Variants in VWA3A observed in about 807,000 individuals in gnomAD.
VWA3A encodes von Willebrand factor A domain-containing protein 3A.
In VWA3A, 134 loss-of-function variants were observed where a neutral mutation model predicts 160.4. That is an observed-to-expected ratio of 0.84 (90% CI 0.73 to 0.96). VWA3A has a LOEUF of 0.96. Among genes scored for constraint, VWA3A ranks in the 40% least tolerant of loss-of-function variants. VWA3A has a pLI of 0.00. For synonymous variants in VWA3A, 476 were observed against 543.4 expected, an observed-to-expected ratio of 0.88 and a Z score of 1.72; for missense variants, 1,310 against 1,447.9, an observed-to-expected ratio of 0.90 and a Z score of 1.55.
At chr16:22,150,127 T>C (rs1598110502) in intron 29 of VWA3A, among the ~76,000 whole-genome samples, 196 bp downstream of exon 29, 1 of 151,964 alleles carries the variant, frequency 6.6e-6, no homozygotes, top group Non-Finnish European at 1.5e-5. Context: ...ACAGGCTGGG[T>C]GCGGTGGCTC....
At chr16:22,148,053 G>A in intron 27 of VWA3A, 109 bp from the exon 28 acceptor site, 1 of 1,345,504 alleles carries the variant, frequency 7.4e-7, no homozygotes, top group Non-Finnish European at 9.9e-7. Context: ...GATCAGGCAG[G>A]CAACAGGTGT....
chr16:22,096,483 G>A (rs1030098144), intron 1 of VWA3A, among the ~76,000 whole-genome samples: 7 of 152,084 alleles, frequency 4.6e-5, no homozygotes, highest in Non-Finnish European at 8.8e-5. Context: ...ATGGCCGGGC[G>A]TGGTGACTCA....
intron 13 of VWA3A, 124 bp from the exon 14 acceptor site, chr16:22,121,390 G>A: frequency 1.2e-6 from 1 of 851,866 alleles, no homozygotes; most frequent in African/African-American, 1.7e-5. Context: ...GATGCAGTGA[G>A]TTATGATTGT....
At chr16:22,115,939 AGGG>A in intron 9 of VWA3A, among the ~76,000 whole-genome samples, 2 of 44,336 alleles carry the variant, frequency 4.5e-5, no homozygotes, top group Non-Finnish European at 6.8e-5. Flanking sequence ...AAGGAAAGGA[AGGG>A]AGGAGGGGGT....
At chr16:22,103,621 A>G in intron 6 of VWA3A, 92 bp downstream of exon 6, 16 of 1,439,168 alleles carry the variant, frequency 1.1e-5, no homozygotes, top group Non-Finnish European at 1.5e-5. Flanking sequence ...GACCTCCAAT[A>G]TAAATTGCTT....
Position 22,133,078 on chromosome 16 carries a change from AC to A in VWA3A, c.2052del (p.Trp685GlyfsTer37), listed in dbSNP as rs1228364214. The A allele has an allele frequency of 6.2e-7, 1 of 1,612,862 alleles. No individual in the cohort carries two copies. Among genetic ancestry groups the A allele is most frequent in the Non-Finnish European group, 8.5e-7 (1 of 1,179,438 alleles). Reference sequence around the variant, plus strand: ...ACCCGGGCTGCAGGTGGCCGCTTCCACTGGTTTGGAGACACAGGTACATGAC... The same window carrying A: ...ACCCGGGCTGCAGGTGGCCGCTTCCATGGTTTGGAGACACAGGTACATGAC... ...EVTRAAGGRFHWFGDTGIYES... is the reference protein window; with the variant it reads ...EVTRAAGGRFXWFGDTGIYES... On this transcript the variant is annotated frameshift_variant, in exon 20 of 34. Transcript: ENST00000389398. LOFTEE classifies it high-confidence loss of function.
At chr16:22,121,365 G>GC (rs776636644) in intron 13 of VWA3A, 149 bp from the exon 14 acceptor site, 143 of 774,586 alleles carry the variant, frequency 1.8e-4, no homozygotes, top group Non-Finnish European at 2.6e-4. Context: ...AATACCTTGA[G>GC]CCCAGGAGTT....
intron 8 of VWA3A, among the ~76,000 whole-genome samples, chr16:22,113,363 CTTTTTTTTTT>C (rs569069206): frequency 5.8e-3 from 268 of 46,212 alleles, no homozygotes; most frequent in Non-Finnish European, 0.01. Context: ...GGCTAATTTT[CTTTTTTTTTT>C]TTTTTTTTTT....
intron 6 of VWA3A, among the ~76,000 whole-genome samples, chr16:22,104,446 G>A (rs2045452243): frequency 6.6e-6 from 1 of 152,050 alleles, no homozygotes. Flanking sequence ...CCGAGATCAC[G>A]CCATTGCACT....
At chr16:22,133,248 T>C (rs1349056457) in intron 20 of VWA3A, among the ~76,000 whole-genome samples, 153 bp downstream of exon 20, 1 of 152,154 alleles carries the variant, frequency 6.6e-6, no homozygotes, top group African/African-American at 2.4e-5. Flanking sequence ...TAGATAGCAG[T>C]GATGGTTGAA....
chr16:22,098,663 G>C (rs1447551849), intron 3 of VWA3A, among the ~76,000 whole-genome samples: 5 of 152,098 alleles, frequency 3.3e-5, no homozygotes, highest in African/African-American at 1.2e-4. Context: ...ATGGCCTAAA[G>C]TCAAAATCCA....
intron 7 of VWA3A, among the ~76,000 whole-genome samples, chr16:22,110,043 A>G (rs146198331): frequency 2.6e-4 from 39 of 152,334 alleles, no homozygotes; most frequent in African/African-American, 9.1e-4. Flanking sequence ...ATAGCAGAGA[A>G]GCTAAGAACT....
chr16:22,128,525 T>A (rs2045891873), intron 17 of VWA3A, among the ~76,000 whole-genome samples: 8 of 152,152 alleles, frequency 5.3e-5, no homozygotes, highest in Admixed American at 5.2e-4. Context: ...AGTGTGATGA[T>A]TCCTCAAAGA....
At chr16:22,105,048 A>G (rs1248329185) in intron 6 of VWA3A, among the ~76,000 whole-genome samples, 2 of 152,120 alleles carry the variant, frequency 1.3e-5, no homozygotes, top group Non-Finnish European at 2.9e-5. Flanking sequence ...TTCACCTCAG[A>G]TCCAGAACCT....
chr16:22,155,652 C>T lies in VWA3A; in HGVS notation c.3491C>T (p.Ala1164Val). ...ITKARSFLWQAQSFRSQLQKK... is the reference protein window; with the variant it reads ...ITKARSFLWQVQSFRSQLQKK... ...AAGGCCAGAAGCTTCCTCTGGCAGGCCCAATCCTTCAGGTATGCCCTTCAC... is the reference window on the plus strand; with the variant it reads ...AAGGCCAGAAGCTTCCTCTGGCAGGTCCAATCCTTCAGGTATGCCCTTCAC... The change falls in exon 32 of 34, where the codon GCC becomes GTC. Residue 1164 changes from alanine (A) to valine (V), a missense_variant. By Grantham distance (64) the Ala-to-Val change is moderately conservative (BLOSUM62 0). Transcript: ENST00000389398. 6.2e-7 allele frequency: 1 copy of T among 1,613,900 alleles called. No individual in the cohort carries two copies. Among genetic ancestry groups the T allele is most frequent in the Non-Finnish European group, 8.5e-7 (1 of 1,179,840 alleles).
At chr16:22,126,646 C>T in intron 17 of VWA3A, among the ~76,000 whole-genome samples, 1 of 152,132 alleles carries the variant, frequency 6.6e-6, no homozygotes, top group East Asian at 1.9e-4. Flanking sequence ...CAGTCCTCAG[C>T]CTGTCTCCAG....
chr16:22,132,851 C>T lies in VWA3A; in HGVS notation c.1873-49C>T. ...GGCTGGGCTGCCCAGAGCCCCACAG[C>T]TTCAAGGCCCTCAGCTGCTGGCCCC... On this transcript the variant is annotated intron_variant, in intron 19 of 33. Transcript: ENST00000389398. 1.9e-6 allele frequency: 3 copies of T among 1,573,350 alleles called. No individual in the cohort carries two copies. The South Asian group carries it at 3.5e-5, about 18-fold the overall frequency.
chr16:22,148,136 C>A (rs2046286382), intron 27 of VWA3A, 26 bp from the exon 28 acceptor site: 5 of 1,577,106 alleles, frequency 3.2e-6, no homozygotes, highest in Non-Finnish European at 4.3e-6. Context: ...TCCCTCCCTG[C>A]CTCTTCCCCA....
intron 16 of VWA3A, among the ~76,000 whole-genome samples, chr16:22,124,186 C>CAAAAA (rs11426931): frequency 4.5e-4 from 21 of 46,556 alleles, no homozygotes; most frequent in South Asian, 1.2e-3. Flanking sequence ...GTGTCTACCA[C>CAAAAA]AAAAAAAAAA....
Sources: allele counts gnomAD v4.1 joint callset (sites outside exome capture counted in the v4.1 genomes callset), GRCh38; gene constraint gnomAD v4.1.1; transcripts MANE v1.5; gene names NCBI Gene and HGNC (gene_info 2026-07-23, HGNC 2026-07-21).